USP40: variants seen among roughly 807,000 people sequenced by gnomAD.
USP40 encodes the protein ubiquitin specific peptidase 40.
A neutral mutation model predicts 166.2 loss-of-function variants in USP40; 143 were observed. The observed-to-expected ratio is 0.86, with a 90% CI of 0.75 to 0.99. USP40 has a LOEUF of 0.99. USP40 is among the 50% of genes least tolerant of loss of function. The pLI is 0.00. For synonymous variants in USP40, 498 were observed against 524.0 expected (o/e 0.95, Z 0.68); for missense variants, 1,444 against 1,479.7 (o/e 0.98, Z 0.40).
chr2:233,543,698 C>A (rs1575323975), intron 8 of USP40, among the ~76,000 whole-genome samples: 1 of 152,216 alleles, frequency 6.6e-6, no homozygotes, highest in South Asian at 2.1e-4. Context: ...CTCACAGACA[C>A]AAAATCTGCT....
chr2:233,557,083 C>A, intron 4 of USP40, 64 bp from the exon 5 acceptor site: 2 of 1,404,626 alleles, frequency 1.4e-6, no homozygotes, highest in Non-Finnish European at 1.9e-6. Flanking sequence ...ATTAAAAAAA[C>A]AAACATTAGT....
chr2:233,559,807 G>C lies in USP40; in HGVS notation c.381+4C>G. The C allele has an allele frequency of 6.3e-7, 1 of 1,593,822 alleles. No homozygotes were observed. Among genetic ancestry groups the C allele is most frequent in the Non-Finnish European group, 8.6e-7 (1 of 1,168,130 alleles). On this transcript the variant is annotated splice_donor_region_variant and intron_variant, in intron 4 of 31. Coordinates refer to ENST00000678225, the MANE Select transcript of USP40 (RefSeq NM_001365479.2). ...ACTCTTCCTTAAAGAGCTGATCCTC[G>C]TACCTCATTACTGGTCCACCCAAAG... is the stretch of plus-strand genomic sequence containing the variant.
At chr2:233,563,312 T>A (rs190327297) in intron 2 of USP40, among the ~76,000 whole-genome samples, 9 of 152,150 alleles carry the variant, frequency 5.9e-5, no homozygotes, top group African/African-American at 2.2e-4. Flanking sequence ...GGCAACCCCA[T>A]GCGAGTCTCC....
At chr2:233,544,829 C>T (rs1210914788) in intron 8 of USP40, among the ~76,000 whole-genome samples, 1 of 152,152 alleles carries the variant, frequency 6.6e-6, no homozygotes, top group African/African-American at 2.4e-5. Flanking sequence ...TTGCCTTGAC[C>T]TTGATACTGG....
chr2:233,514,958 C>T (rs1266093970), intron 18 of USP40, among the ~76,000 whole-genome samples: 1 of 152,194 alleles, frequency 6.6e-6, no homozygotes, highest in African/African-American at 2.4e-5. Context: ...GTAACTACAG[C>T]TTAGATTTTA....
At chr2:233,503,383 C>T (rs2066210205) in intron 21 of USP40, among the ~76,000 whole-genome samples, 1 of 152,032 alleles carries the variant, frequency 6.6e-6, no homozygotes, top group Non-Finnish European at 1.5e-5. Flanking sequence ...GTGAAAAATT[C>T]CCAAGTCCAG....
chr2:233,502,339 C>T (rs2066128976), intron 21 of USP40, among the ~76,000 whole-genome samples: 1 of 152,062 alleles, frequency 6.6e-6, no homozygotes, highest in Admixed American at 6.5e-5. Flanking sequence ...TTGAGTATCC[C>T]TTATTTGAAA....
At chr2:233,532,438 C>T (rs913648762) in intron 11 of USP40, among the ~76,000 whole-genome samples, 1 of 152,170 alleles carries the variant, frequency 6.6e-6, no homozygotes, top group Non-Finnish European at 1.5e-5. Context: ...AATTCATTTA[C>T]ATGAGGTGAG....
At chr2:233,482,000 T>G (rs1340948781) in intron 30 of USP40, among the ~76,000 whole-genome samples, 2 of 152,190 alleles carry the variant, frequency 1.3e-5, no homozygotes, top group Non-Finnish European at 2.9e-5. Context: ...CTGGCTGCAT[T>G]CTCAGGTGTG....
intron 9 of USP40, among the ~76,000 whole-genome samples, chr2:233,541,178 A>AG (rs1335321635): frequency 6.6e-6 from 1 of 152,214 alleles, no homozygotes; most frequent in Admixed American, 6.5e-5. Flanking sequence ...AAGTTCTAAA[A>AG]GGGGGTGAGA....
rs540204678 is a variant in USP40 at position 233,542,109 on chromosome 2, T to G, written c.1062+159A>C. ...ACCAGAAAATCCCCACAAACATCAT[T>G]AAAATATAGATACAGAGAATGTCCT... On this transcript the variant is annotated intron_variant, in intron 9 of 31. Coordinates refer to ENST00000678225, the MANE Select transcript of USP40 (RefSeq NM_001365479.2). 2.0e-5 allele frequency among the ~76,000 whole-genome samples: 3 copies of G among 152,248 alleles called. No homozygotes were observed. In the South Asian group the frequency reaches 6.2e-4, roughly 32 times the overall value.
intron 8 of USP40, among the ~76,000 whole-genome samples, chr2:233,547,699 A>G (rs1337214236): frequency 6.6e-6 from 1 of 152,230 alleles, no homozygotes; most frequent in African/African-American, 2.4e-5. Flanking sequence ...AACATCTGCA[A>G]ATTCTTTTTT....
rs181734030 is a variant in USP40, at chr2:233,521,212, C to T, written c.2202-98G>A. 6.2e-5 allele frequency: 84 copies of T among 1,365,624 alleles called. 3 individuals are homozygous for T. The African/African-American group carries it at 7.5e-4, about 12-fold the overall frequency. The allele number at this position is 1,365,624 out of a possible 1,614,324, so 84.6% of individuals were successfully genotyped here. A position where few individuals can be genotyped will look rare whatever the true frequency, so the allele number is the denominator to read the frequency against. On this transcript the variant is annotated intron_variant, in intron 16 of 31. Transcript: ENST00000678225. ...ACTTAATGTGACTAATTAGAGGTGA[C>T]CAAGTTCTACTGAGTCGTCTCTATG...
At position 233,542,343 on chromosome 2, in the gene USP40, A is replaced by G; in HGVS notation, c.987T>C (p.Asp329=). ...CACTCTGGAGATCTTTCAGATTCAC[A>G]TCTGGTTTACTTTTTTCCTCCTAGG... is the stretch of plus-strand genomic sequence containing the variant. ...WQFQEEKSKP[D]VNLKDLQSEE... The change falls in exon 9 of 32, where the codon GAT becomes GAC. Residue 329 remains aspartate, a synonymous_variant. Transcript: ENST00000678225. 4 of 1,555,744 alleles carry G rather than the reference A, an allele frequency of 2.6e-6. No individual in the cohort carries two copies. Among genetic ancestry groups the G allele is most frequent in the Non-Finnish European group, 2.6e-6 (3 of 1,150,292 alleles).
intron 8 of USP40, among the ~76,000 whole-genome samples, chr2:233,544,171 A>G (rs980819703): frequency 6.6e-6 from 1 of 152,180 alleles, no homozygotes; most frequent in Non-Finnish European, 1.5e-5. Context: ...ATTTTCTGGA[A>G]CAACAGTTAA....
chr2:233,549,201 T>C lies in USP40; in HGVS notation c.866A>G (p.Tyr289Cys). ...GTGTATAATAACTGAGAAGAGGTCA[T>C]ATATATATTCTAAGTCATCCAATTC... ...QSELDDLEYI[Y>C]DLFSVIIHKG... is the part of the protein sequence containing the mutation. The change falls in exon 8 of 32, where the codon TAT becomes TGT. Residue 289 changes from tyrosine to cysteine, a missense_variant. Tyr to Cys is a radical substitution (Grantham distance 194, BLOSUM62 -2). Coordinates refer to ENST00000678225, the MANE Select transcript of USP40 (RefSeq NM_001365479.2). The C allele has an allele frequency of 6.7e-7, 1 of 1,501,134 alleles. No homozygotes were observed. Among genetic ancestry groups the C allele is most frequent in the South Asian group, 1.2e-5 (1 of 83,188 alleles). 93.0% of individuals were successfully genotyped at this position (1,501,134 alleles called of 1,614,324 possible).
intron 31 of USP40, among the ~76,000 whole-genome samples, chr2:233,479,895 C>T (rs1044698359): frequency 1.3e-5 from 2 of 152,156 alleles, no homozygotes; most frequent in Non-Finnish European, 2.9e-5. Context: ...AGGAAGGGGC[C>T]CTGGCCCAGG....
At chr2:233,481,113 T>C in intron 31 of USP40, 90 bp downstream of exon 31, 2 of 1,265,872 alleles carry the variant, frequency 1.6e-6, no homozygotes, top group Non-Finnish European at 2.2e-6. Flanking sequence ...TCAACAAGAG[T>C]TTCCGGTCCC....
intron 11 of USP40, among the ~76,000 whole-genome samples, chr2:233,529,814 C>CTTTTTTTTTTTTTT (rs369071345): frequency 3.0e-5 from 4 of 133,948 alleles, no homozygotes; most frequent in East Asian, 2.1e-4. Context: ...TTTTCTTTTT[C>CTTTTTTTTTTTTTT]TTTTTTTTTT....
Sources: gnomAD v4.1 joint callset for allele counts (sites outside exome capture counted in the v4.1 genomes callset) on GRCh38, gnomAD v4.1.1 for gene constraint, MANE v1.5 for transcripts, NCBI Gene and HGNC (gene_info 2026-07-23, HGNC 2026-07-21) for gene names.